PCDHA2: variants seen among roughly 807,000 people sequenced by gnomAD.
PCDHA2 encodes the protein protocadherin alpha-2.
In PCDHA2, 58 loss-of-function variants were observed where a neutral mutation model predicts 66.0. The observed-to-expected ratio is 0.88, with a 90% CI of 0.71 to 1.09. The LOEUF is 1.09. Ranked by LOEUF, PCDHA2 falls within the 50% of genes least tolerant of loss-of-function variation. The pLI is 0.00. For missense variants in PCDHA2, 1,267 were observed against 1,242.3 expected (o/e 1.02, Z -0.30); for synonymous variants, 634 against 554.0 (o/e 1.14, Z -2.03).
intron 1 of PCDHA2, chr5:140,857,046 G>A: frequency 6.3e-7 from 1 of 1,595,842 alleles, no homozygotes; most frequent in African/African-American, 1.3e-5. Context: ...GTTGGTCACT[G>A]CACGGTCCTA....
rs2150486474 is a variant in PCDHA2, at chr5:140,850,498, C to T, written c.2388+53146C>T. On this transcript the variant is annotated intron_variant, in intron 1 of 3. Coordinates refer to ENST00000526136, the MANE Select transcript of PCDHA2 (RefSeq NM_018905.3). ...ACGGCCACGGCCACTGTGCTGGTGTCGCTGGTGGAGAGCGGCCAGGCGCCA... is the reference window on the plus strand; with the variant it reads ...ACGGCCACGGCCACTGTGCTGGTGTTGCTGGTGGAGAGCGGCCAGGCGCCA... 30 of 1,598,138 alleles carry T rather than the reference C, an allele frequency of 1.9e-5. 3 individuals are homozygous for T. Among genetic ancestry groups the T allele is most frequent in the Non-Finnish European group, 2.6e-5 (30 of 1,167,764 alleles).
In PCDHA2 at chr5:140,835,680, C is replaced by A. The variant is rs2150241824; in HGVS notation, c.2388+38328C>A. ...GGTTACCGCGCGGGACGGGGGCTCGCCTTCTCTGTGGGCCACTGCTAGCGT... is the reference window on the plus strand; with the variant it reads ...GGTTACCGCGCGGGACGGGGGCTCGACTTCTCTGTGGGCCACTGCTAGCGT... On this transcript the variant is annotated intron_variant, in intron 1 of 3. Coordinates refer to ENST00000526136, the MANE Select transcript of PCDHA2 (RefSeq NM_018905.3). The A allele has an allele frequency of 5.6e-6, 9 of 1,613,886 alleles. No homozygotes were observed. The Admixed American group carries it at 1.5e-4, about 27-fold the overall frequency.
chr5:140,809,815 A>C (rs958539155), intron 1 of PCDHA2: 32 of 409,850 alleles, frequency 7.8e-5, no homozygotes, highest in Non-Finnish European at 1.3e-5. Context: ...AATTTTCACT[A>C]TATTCACCCT....
intron 1 of PCDHA2, chr5:140,870,427 G>C: frequency 6.2e-7 from 1 of 1,614,220 alleles, no homozygotes; most frequent in Non-Finnish European, 8.5e-7. Context: ...CAGGGTATCC[G>C]TGGAGGTGGC....
At position 140,963,599 on chromosome 5, in the gene PCDHA2, C is replaced by T. The variant is rs968307291; in HGVS notation, c.2389-15350C>T. On this transcript the variant is annotated intron_variant, in intron 1 of 3. Coordinates refer to ENST00000526136, the MANE Select transcript of PCDHA2 (RefSeq NM_018905.3). ...TCAAAATGTAGGATATAGTTCTAGA[C>T]GTAATTGGGAAAGCTTAACTTTGTT... Among the ~76,000 whole-genome samples, 9 of 152,254 alleles carry T rather than the reference C, an allele frequency of 5.9e-5. No individual in the cohort carries two copies. The South Asian group carries it at 1.0e-3, about 18-fold the overall frequency.
At chr5:140,802,343 T>A (rs925654009) in intron 1 of PCDHA2, 1 of 1,614,108 alleles carries the variant, frequency 6.2e-7, no homozygotes, top group East Asian at 2.2e-5. Flanking sequence ...CAGGAGTCAA[T>A]GGACAGGTCA....
chr5:140,888,586 C>T (rs1408191600), intron 1 of PCDHA2, among the ~76,000 whole-genome samples: 1 of 152,154 alleles, frequency 6.6e-6, no homozygotes, highest in East Asian at 1.9e-4. Flanking sequence ...TTTGTTAGTA[C>T]ACATTCAGAG....
intron 1 of PCDHA2, among the ~76,000 whole-genome samples, chr5:140,881,835 G>A (rs1048266615): frequency 2.6e-5 from 4 of 152,124 alleles, no homozygotes; most frequent in Non-Finnish European, 5.9e-5. Context: ...AGTTCTGCAT[G>A]GAATTCTTAC....
intron 1 of PCDHA2, chr5:140,829,729 C>A (rs1770524525): frequency 6.2e-7 from 1 of 1,613,494 alleles, no homozygotes; most frequent in African/African-American, 1.3e-5. Context: ...CGCCTCTGGG[C>A]AGCAACGTGA....
chr5:140,891,270 C>T (rs1049558993), intron 1 of PCDHA2, among the ~76,000 whole-genome samples: 1 of 151,570 alleles, frequency 6.6e-6, no homozygotes, highest in East Asian at 1.9e-4. Context: ...TTAATTTTTC[C>T]GTAAGTTATT....
At chr5:140,801,118 G>T in intron 1 of PCDHA2, 1 of 1,515,660 alleles carries the variant, frequency 6.6e-7, no homozygotes, top group Non-Finnish European at 8.8e-7. Flanking sequence ...AGGAGTTTAA[G>T]AAATGAAGAT....
Position 140,795,996 on chromosome 5 carries a change from T to C in PCDHA2, c.1032T>C (p.Asn344=), listed in dbSNP as rs1436455435. Residue 344 remains asparagine (N), a synonymous_variant, in exon 1 of 4, where the codon AAT becomes AAC. Coordinates refer to ENST00000526136, the MANE Select transcript of PCDHA2 (RefSeq NM_018905.3). Reference sequence around the variant, plus strand: ...TTTCATTAAAACTTGTGGACATCAATGATAACACACCAGAAGTCTCAATAA... The same window carrying C: ...TTTCATTAAAACTTGTGGACATCAACGATAACACACCAGAAGTCTCAATAA... The part of the protein sequence containing the change: ...CKISLKLVDI[N]DNTPEVSITS... The C allele has an allele frequency of 3.1e-6, 5 of 1,614,032 alleles. No individual in the cohort carries two copies. The highest frequency in any genetic ancestry group is 4.2e-6 in the Non-Finnish European group (5 of 1,180,024).
chr5:140,924,714 G>C (rs2081964744), intron 1 of PCDHA2, among the ~76,000 whole-genome samples: 1 of 151,860 alleles, frequency 6.6e-6, no homozygotes, highest in African/African-American at 2.4e-5. Context: ...GTGCAACATG[G>C]CGAAACCTCA....
At chr5:140,809,878 C>T (rs964149878) in intron 1 of PCDHA2, 2 of 246,758 alleles carry the variant, frequency 8.1e-6, no homozygotes, top group Non-Finnish European at 1.5e-5. Context: ...TATTATTTAA[C>T]CTATTACATA....
chr5:140,867,681 A>T (rs759356211), intron 1 of PCDHA2: 1 of 152,096 alleles, frequency 6.6e-6, no homozygotes, highest in African/African-American at 2.4e-5. Context: ...ATTTTGTTGC[A>T]TCTTCTTTTT....
At chr5:140,936,762 G>A (rs190223178) in intron 1 of PCDHA2, among the ~76,000 whole-genome samples, 224 of 152,210 alleles carry the variant, frequency 1.5e-3, no homozygotes, top group Non-Finnish European at 2.6e-3. Context: ...ATATCTAATT[G>A]TGTAAGTTCT....
intron 1 of PCDHA2, chr5:140,841,578 T>C: frequency 1.2e-6 from 2 of 1,614,008 alleles, no homozygotes; most frequent in Non-Finnish European, 1.7e-6. Flanking sequence ...ATTTTGTTTG[T>C]GAATTCTCGG....
intron 1 of PCDHA2, chr5:140,857,804 G>T: frequency 6.3e-7 from 1 of 1,597,858 alleles, no homozygotes. Context: ...GTCGGTGGTT[G>T]CGGGTCACGT....
chr5:140,884,116 C>T (rs1554181240), intron 1 of PCDHA2: 2 of 1,613,304 alleles, frequency 1.2e-6, no homozygotes, highest in South Asian at 2.2e-5. Context: ...TGGCGGCGGT[C>T]GGCGCGCGCA....
Sources: gnomAD v4.1 joint callset for allele counts (sites outside exome capture counted in the v4.1 genomes callset) on GRCh38, gnomAD v4.1.1 for gene constraint, MANE v1.5 for transcripts, NCBI Gene and HGNC (gene_info 2026-07-23, HGNC 2026-07-21) for gene names.